Variants in COX6C observed in about 807,000 individuals in gnomAD.
The protein encoded by COX6C is cytochrome c oxidase polypeptide VIc.
COX6C carries 3 observed loss-of-function variants against 6.9 expected under a neutral mutation model. That is an observed-to-expected ratio of 0.43 (90% confidence interval 0.20 to 1.12). COX6C has a LOEUF of 1.12. Among genes scored for constraint, COX6C ranks in the 50% most tolerant of loss-of-function variants. The probability of loss-of-function intolerance (pLI) is 0.27; values close to 1 mark genes in which losing one functional copy is unlikely to be tolerated. For synonymous variants in COX6C, 32 were observed against 32.0 expected (o/e 1.00, Z 0.00); for missense variants, 101 against 97.3 (o/e 1.04, Z -0.16).
At position 99,887,563 on chromosome 8, in the gene COX6C, T is replaced by C. The variant is rs1219288040; in HGVS notation, c.170A>G (p.Asp57Gly). 6.2e-7 allele frequency: 1 copy of C among 1,611,494 alleles called. No individual in the cohort carries two copies. Among genetic ancestry groups the C allele is most frequent in the Admixed American group, 1.7e-5 (1 of 59,492 alleles). ...KAYADFYRNY[D>G]VMKDFEEMRK... ...CATCTCCTCAAAATCTTTCATGACATCGTAGTTTCTGTAGAAATCTGCGTA... is the reference window on the plus strand; with the variant it reads ...CATCTCCTCAAAATCTTTCATGACACCGTAGTTTCTGTAGAAATCTGCGTA... Residue 57 changes from aspartate (D) to glycine (G), a missense_variant, in exon 3 of 4, where the codon GAT becomes GGT. Coordinates refer to ENST00000520468, the MANE Select transcript of COX6C (RefSeq NM_004374.4).
intron 2 of COX6C, among the ~76,000 whole-genome samples, chr8:99,888,274 TA>T (rs113290451): frequency 0.19 from 28,521 of 151,936 alleles, 4,803 homozygotes; most frequent in African/African-American, 0.45. Context: ...TTCCCAGTAA[TA>T]AAATCAAGAG....
At chr8:99,889,370 A>G (rs1264104602) in intron 2 of COX6C, among the ~76,000 whole-genome samples, 1 of 141,422 alleles carries the variant, frequency 7.1e-6, no homozygotes, top group Non-Finnish European at 1.5e-5. Flanking sequence ...GCTCACTGCA[A>G]CCTCCACCTC....
chr8:99,881,146 G>A (rs1817856550), intron 3 of COX6C, among the ~76,000 whole-genome samples: 1 of 152,172 alleles, frequency 6.6e-6, no homozygotes. Context: ...AATCACTTGA[G>A]GTCAGGAGTT....
chr8:99,890,748 T>C (rs1239530469), intron 2 of COX6C, among the ~76,000 whole-genome samples: 1 of 151,844 alleles, frequency 6.6e-6, no homozygotes, highest in Non-Finnish European at 1.5e-5. Flanking sequence ...ATCAAAAACA[T>C]TTTTACGGAA....
At chr8:99,878,962 G>A (rs893932194) in intron 3 of COX6C, among the ~76,000 whole-genome samples, 1 of 151,920 alleles carries the variant, frequency 6.6e-6, no homozygotes, top group East Asian at 1.9e-4. Context: ...AAGGTTTATT[G>A]GAATGTAACC....
intron 3 of COX6C, among the ~76,000 whole-genome samples, chr8:99,879,554 T>C (rs1817825972): frequency 6.6e-6 from 1 of 152,038 alleles, no homozygotes; most frequent in Non-Finnish European, 1.5e-5. Context: ...AATTTAAAAA[T>C]GTTTAGCTTT....
chr8:99,880,768 C>CTATA (rs1313826082), intron 3 of COX6C, among the ~76,000 whole-genome samples: 1 of 151,758 alleles, frequency 6.6e-6, no homozygotes, highest in Non-Finnish European at 1.5e-5. Flanking sequence ...AGATATCTGA[C>CTATA]TATACCAAGC....
chr8:99,887,459 T>C (rs1181634579), intron 3 of COX6C, 31 bp downstream of exon 3: 6 of 1,343,112 alleles, frequency 4.5e-6, no homozygotes, highest in Non-Finnish European at 5.1e-6. Flanking sequence ...TTAGAAATTT[T>C]TTTTTAAGTA....
chr8:99,888,162 T>C (rs961390309), intron 2 of COX6C, among the ~76,000 whole-genome samples: 4 of 151,822 alleles, frequency 2.6e-5, no homozygotes, highest in Admixed American at 2.0e-4. Context: ...GGTCTCCCTC[T>C]GCAGAAATAC....
chr8:99,890,777 C>G (rs1330547487), intron 2 of COX6C, among the ~76,000 whole-genome samples: 1 of 152,100 alleles, frequency 6.6e-6, no homozygotes, highest in Non-Finnish European at 1.5e-5. Flanking sequence ...AATGTGCAGC[C>G]TTTGATTAAA....
chr8:99,889,297 CT>C (rs35209925), intron 2 of COX6C, among the ~76,000 whole-genome samples: 5 of 148,990 alleles, frequency 3.4e-5, no homozygotes, highest in Non-Finnish European at 1.5e-5. Flanking sequence ...TTCTCCCTAA[CT>C]TTTTTTTTTG....
chr8:99,881,073 G>C (rs1817854722), intron 3 of COX6C, among the ~76,000 whole-genome samples: 1 of 152,076 alleles, frequency 6.6e-6, no homozygotes, highest in Non-Finnish European at 1.5e-5. Context: ...TTAAAATTTG[G>C]TTTGTGCCAG....
intron 3 of COX6C, 60 bp downstream of exon 3, chr8:99,887,430 T>C: frequency 1.1e-6 from 1 of 930,420 alleles, no homozygotes. Flanking sequence ...CAGTCACCTG[T>C]ATTTGCATTT....
chr8:99,893,061 G>C (rs1210281378), intron 1 of COX6C: 1 of 152,228 alleles, frequency 6.6e-6, no homozygotes, highest in Non-Finnish European at 1.5e-5. Flanking sequence ...CTGGCCTTCA[G>C]CTAACGCGGC....
chr8:99,879,108 T>A (rs562922276), intron 3 of COX6C, among the ~76,000 whole-genome samples: 13 of 152,336 alleles, frequency 8.5e-5, no homozygotes, highest in Non-Finnish European at 1.6e-4. Flanking sequence ...GAAACTACAT[T>A]GTTCTTTTTT....
Position 99,887,586 on chromosome 8 carries a change from G to A in COX6C, c.147C>T (p.Tyr49=), listed in dbSNP as rs140413547. 45 of 1,606,554 alleles carry A rather than the reference G, an allele frequency of 2.8e-5. No homozygotes were observed. The highest frequency in any genetic ancestry group is 6.8e-5 in the African/African-American group (5 of 74,052). The change falls in exon 3 of 4, where the codon TAC becomes TAT. Residue 49 remains tyrosine (Y), a synonymous_variant. Coordinates refer to ENST00000520468, the MANE Select transcript of COX6C (RefSeq NM_004374.4). ...FRVADQRKKA[Y]ADFYRNYDVM... ...CATCGTAGTTTCTGTAGAAATCTGC[G>A]TATGCCTTCTTTCTTTGATCAGCCA... is the stretch of plus-strand genomic sequence containing the variant.
chr8:99,883,052 T>G (rs912171669), intron 3 of COX6C, among the ~76,000 whole-genome samples: 5 of 152,124 alleles, frequency 3.3e-5, no homozygotes, highest in Admixed American at 2.0e-4. Context: ...TCTCCCAAAG[T>G]GCTGGGATTA....
At chr8:99,879,573 T>C (rs1232556380) in intron 3 of COX6C, among the ~76,000 whole-genome samples, 2 of 152,048 alleles carry the variant, frequency 1.3e-5, no homozygotes, top group African/African-American at 4.8e-5. Context: ...TTATGAGAAC[T>C]CTAGAAACCA....
chr8:99,879,677 T>C (rs765822414), intron 3 of COX6C, among the ~76,000 whole-genome samples: 7 of 152,192 alleles, frequency 4.6e-5, no homozygotes, highest in Non-Finnish European at 8.8e-5. Flanking sequence ...TCTTGCCAAA[T>C]GCCCTCCTCA....
Sources: allele counts gnomAD v4.1 joint callset (sites outside exome capture counted in the v4.1 genomes callset), GRCh38; gene constraint gnomAD v4.1.1; transcripts MANE v1.5; gene names NCBI Gene and HGNC (gene_info 2026-07-23, HGNC 2026-07-21).